FGF1: variants seen among roughly 807,000 people sequenced by gnomAD.
FGF1 encodes beta-endothelial cell growth factor.
In FGF1, 9 loss-of-function variants were observed where a neutral mutation model predicts 13.4. The observed-to-expected ratio is 0.67, with a 90% CI of 0.40 to 1.17. The LOEUF (loss-of-function observed/expected upper bound fraction) is 1.17, where lower values mean the gene tolerates loss of function less well. Among genes scored for constraint, FGF1 ranks in the 50% most tolerant of loss-of-function variants. The pLI is 0.01. For synonymous variants in FGF1, 93 were observed against 79.0 expected, an observed-to-expected ratio of 1.18 and a Z score of -0.94; for missense variants, 156 against 192.7, an observed-to-expected ratio of 0.81 and a Z score of 1.13.
At chr5:142,609,289 C>T (rs955821182) in intron 2 of FGF1, among the ~76,000 whole-genome samples, 2 of 152,140 alleles carry the variant, frequency 1.3e-5, no homozygotes, top group Admixed American at 6.5e-5. Flanking sequence ...TGAGTGGTGC[C>T]GGTAATTCTG....
chr5:142,661,913 G>A (rs1380611062), intron 1 of FGF1, among the ~76,000 whole-genome samples: 1 of 152,126 alleles, frequency 6.6e-6, no homozygotes, highest in African/African-American at 2.4e-5. Flanking sequence ...TGAGGCAGGA[G>A]AATGGCGTGA....
rs115623546 is a variant in FGF1, at chr5:142,666,812, T to C, written c.-35+19145A>G. On this transcript the variant is annotated intron_variant, in intron 1 of 3. Transcript: ENST00000337706. Reference sequence around the variant, plus strand: ...ATTAGGCAGGTGTGTTGGTGAGTGCTTATAGTCTCAGCTACTCAGGAGGCT... The same window carrying C: ...ATTAGGCAGGTGTGTTGGTGAGTGCCTATAGTCTCAGCTACTCAGGAGGCT... Among the ~76,000 whole-genome samples, 233 of 151,624 alleles carry C rather than the reference T, an allele frequency of 1.5e-3. 1 individual carries two copies. The highest frequency in any genetic ancestry group is 6.2e-3 in the East Asian group (32 of 5,132).
chr5:142,653,004 T>C (rs1767528226), intron 1 of FGF1, among the ~76,000 whole-genome samples: 1 of 152,246 alleles, frequency 6.6e-6, no homozygotes, highest in African/African-American at 2.4e-5. Context: ...TTCCTCTGTC[T>C]CGTTTTCTTC....
intron 1 of FGF1, among the ~76,000 whole-genome samples, chr5:142,645,313 GT>G (rs1407354073): frequency 6.6e-6 from 1 of 152,216 alleles, no homozygotes; most frequent in African/African-American, 2.4e-5. Flanking sequence ...ACACCTCCGA[GT>G]TAGCTCATCA....
intron 3 of FGF1, among the ~76,000 whole-genome samples, chr5:142,600,139 G>A (rs1756166671): frequency 1.3e-5 from 2 of 152,286 alleles, no homozygotes; most frequent in Admixed American, 6.5e-5. Flanking sequence ...GAAGGCTGAG[G>A]CCGCTCGAGC....
chr5:142,603,419 C>G (rs1757007747), intron 2 of FGF1, among the ~76,000 whole-genome samples: 1 of 152,134 alleles, frequency 6.6e-6, no homozygotes, highest in Admixed American at 6.6e-5. Context: ...CATCCTCTTC[C>G]TCCTCTGCCC....
intron 1 of FGF1, among the ~76,000 whole-genome samples, chr5:142,643,687 G>A (rs376954357): frequency 2.0e-4 from 31 of 152,232 alleles, no homozygotes; most frequent in African/African-American, 7.5e-4. Flanking sequence ...CCTTCCGATC[G>A]CTTATTATGC....
chr5:142,610,157 A>C (rs369758665), intron 2 of FGF1, among the ~76,000 whole-genome samples: 7 of 152,358 alleles, frequency 4.6e-5, no homozygotes, highest in East Asian at 3.9e-4. Context: ...GGTTAGGTAG[A>C]AGTGAAGGAG....
chr5:142,621,589 A>G (rs7734080), intron 1 of FGF1, among the ~76,000 whole-genome samples: 20,469 of 152,140 alleles, frequency 0.13, 2,501 homozygotes, highest in African/African-American at 0.32. Flanking sequence ...CTCTCCCAAC[A>G]GCAGACAGCA....
chr5:142,616,795 A>G (rs1760347344), intron 1 of FGF1, among the ~76,000 whole-genome samples: 1 of 152,142 alleles, frequency 6.6e-6, no homozygotes, highest in African/African-American at 2.4e-5. Context: ...TCACCTCTCT[A>G]TTAGCACTCA....
At chr5:142,668,839 A>T (rs1770921968) in intron 1 of FGF1, among the ~76,000 whole-genome samples, 1 of 152,240 alleles carries the variant, frequency 6.6e-6, no homozygotes, top group Admixed American at 6.5e-5. Flanking sequence ...TAAGTCATAA[A>T]TACCATGACA....
intron 1 of FGF1, among the ~76,000 whole-genome samples, chr5:142,617,930 T>G (rs887605709): frequency 6.6e-6 from 1 of 152,182 alleles, no homozygotes; most frequent in African/African-American, 2.4e-5. Context: ...GGCAGCAACG[T>G]TAGCAGGTCC....
At chr5:142,659,331 C>T (rs185776597) in intron 1 of FGF1, among the ~76,000 whole-genome samples, 41 of 151,186 alleles carry the variant, frequency 2.7e-4, no homozygotes, top group East Asian at 1.9e-4. Context: ...CGGGTTCAAG[C>T]GATTCTCCTG....
At chr5:142,691,204 T>G (rs906640584) in intron 2 of FGF1, among the ~76,000 whole-genome samples, 2 of 152,110 alleles carry the variant, frequency 1.3e-5, no homozygotes, top group Admixed American at 6.5e-5. Context: ...GTGGATCACC[T>G]GAGGTTAGGA....
At chr5:142,629,886 TATATATATA>T in intron 1 of FGF1, among the ~76,000 whole-genome samples, 1 of 96,958 alleles carries the variant, frequency 1.0e-5, no homozygotes. Flanking sequence ...ATTATATATA[TATATATATA>T]TTTTTTTTTT....
intron 1 of FGF1, among the ~76,000 whole-genome samples, chr5:142,659,261 G>T (rs1403177168): frequency 2.1e-5 from 3 of 142,336 alleles, no homozygotes; most frequent in African/African-American, 7.9e-5. Flanking sequence ...ACAGGGTCTC[G>T]CTCTGTCGCC....
intron 2 of FGF1, among the ~76,000 whole-genome samples, chr5:142,604,359 ATCCT>A (rs1757206089): frequency 6.6e-6 from 1 of 152,152 alleles, no homozygotes; most frequent in Non-Finnish European, 1.5e-5. Context: ...TCTCAGCATA[ATCCT>A]ATATGTTTAA....
intron 1 of FGF1, among the ~76,000 whole-genome samples, chr5:142,621,139 G>T (rs1435136979): frequency 6.6e-6 from 1 of 152,144 alleles, no homozygotes; most frequent in African/African-American, 2.4e-5. Context: ...CCCTGCTGTA[G>T]ATCTTTGACT....
chr5:142,664,065 C>T (rs577760450), intron 1 of FGF1, among the ~76,000 whole-genome samples: 1 of 152,302 alleles, frequency 6.6e-6, no homozygotes, highest in East Asian at 1.9e-4. Context: ...CTGAAGGGGT[C>T]ACCTGGCCTC....
Sources: gnomAD v4.1 joint callset for allele counts (sites outside exome capture counted in the v4.1 genomes callset) on GRCh38, gnomAD v4.1.1 for gene constraint, MANE v1.5 for transcripts, NCBI Gene and HGNC (gene_info 2026-07-23, HGNC 2026-07-21) for gene names.